The following DUOX1 variants were observed in gnomAD, a reference collection of about 807,000 sequenced individuals.
The protein encoded by DUOX1 is NADPH thyroid oxidase 1.
In DUOX1, 134 loss-of-function variants were observed where a neutral mutation model predicts 181.8. The observed-to-expected ratio is 0.74, with a 90% CI of 0.64 to 0.85. DUOX1 has a LOEUF of 0.85. Among genes scored for constraint, DUOX1 ranks in the 40% least tolerant of loss-of-function variants. The pLI is 0.00. For missense variants in DUOX1, 1,814 were observed against 2,064.4 expected, an observed-to-expected ratio of 0.88 and a Z score of 2.35; for synonymous variants, 798 against 832.5, an observed-to-expected ratio of 0.96 and a Z score of 0.71.
Position 45,161,970 on chromosome 15 carries a change from G to A in DUOX1, c.4089G>A (p.Lys1363=). 6.2e-7 allele frequency: 1 copy of A among 1,608,896 alleles called. No individual in the cohort carries two copies. Among genetic ancestry groups the A allele is most frequent in the Non-Finnish European group, 8.5e-7 (1 of 1,177,492 alleles). ...GTGACAGATGTGCCAGATACCCAAA[G>A]GTACCAGACCCTGGCCAGACATGCC... The part of the protein sequence containing the change: ...PTGDRCARYP[K]LYLDGPFGEG... The change falls in exon 30 of 34, where the codon AAG becomes AAA. Residue 1363 remains lysine (K), a splice_region_variant and synonymous_variant. Coordinates refer to ENST00000389037, the MANE Select transcript of DUOX1 (RefSeq NM_175940.3).
At chr15:45,152,081 G>A (rs771648162) in intron 24 of DUOX1, 29 bp downstream of exon 24, 26 of 1,608,040 alleles carry the variant, frequency 1.6e-5, no homozygotes, top group Admixed American at 1.3e-4. Flanking sequence ...CACGAGCCCT[G>A]TCCCTAGGCT....
rs754376909 is a variant in DUOX1 at position 45,163,912 on chromosome 15, C to A, written c.4527C>A (p.His1509Gln). ...TCTTCAACTCCCTGCAGGAGGTCCA[C>A]CCCCAGGTCAGTCCAACCCATAACC... ...EPFFNSLQEV[H>Q]PQVRKIGVFS... is the part of the protein sequence containing the mutation. Residue 1509 changes from histidine to glutamine, a missense_variant, in exon 33 of 34, where the codon CAC becomes CAA. By Grantham distance (24) the His-to-Gln change is conservative. Transcript: ENST00000389037. The A allele has an allele frequency of 2.5e-6, 4 of 1,613,866 alleles. No homozygotes were observed. In the Admixed American group the frequency reaches 5.0e-5, roughly 20 times the overall value.
intron 26 of DUOX1, chr15:45,153,684 T>G: frequency 1.5e-6 from 1 of 666,082 alleles, no homozygotes; most frequent in East Asian, 2.7e-5. Flanking sequence ...GGTGTCTGAG[T>G]TGGGGTGCCT....
rs764090741 is a variant in DUOX1 at position 45,147,552 on chromosome 15, G to A, written c.2442G>A (p.Lys814=). 6.2e-7 allele frequency: 1 copy of A among 1,614,136 alleles called. No individual in the cohort carries two copies. Among genetic ancestry groups the A allele is most frequent in the Non-Finnish European group, 8.5e-7 (1 of 1,179,986 alleles). ...AGTTTGCCGAGTCCCTGGGCCTCAAGCCCCAGGACATGTTTGTGGAGTCCA... is the reference window on the plus strand; with the variant it reads ...AGTTTGCCGAGTCCCTGGGCCTCAAACCCCAGGACATGTTTGTGGAGTCCA... ...RAEFAESLGL[K]PQDMFVESMF... The change falls in exon 19 of 34, where the codon AAG becomes AAA. Residue 814 remains lysine, a synonymous_variant. Coordinates refer to ENST00000389037, the MANE Select transcript of DUOX1 (RefSeq NM_175940.3).
chr15:45,133,966 G>C lies in DUOX1; in HGVS notation c.142+19G>C. 1.2e-6 allele frequency: 2 copies of C among 1,613,128 alleles called. No homozygotes were observed. The highest frequency in any genetic ancestry group is 2.2e-5 in the South Asian group (2 of 90,980). On this transcript the variant is annotated intron_variant, in intron 3 of 33. Transcript: ENST00000389037. ...AGCAAAGGTAAGTGAGAGCCAAGTG[G>C]GGATAGAACCCCAGGGCCAGGGGGG...
rs755590591 is a variant in DUOX1, at chr15:45,152,577, C to T, written c.3424+61C>T. 17 of 1,422,600 alleles carry T rather than the reference C, an allele frequency of 1.2e-5. No homozygotes were observed. In the African/African-American group the frequency reaches 1.4e-4, roughly 12 times the overall value. The allele number at this position is 1,422,600 out of a possible 1,614,324, so 88.1% of individuals were successfully genotyped here. A position where few individuals can be genotyped will look rare whatever the true frequency, so the allele number is the denominator to read the frequency against. ...CCTCCCGCCCCCGCTGACTTCCCCTCGTATGAGAGCCCCCCTCTCTGCTGG... is the reference window on the plus strand; with the variant it reads ...CCTCCCGCCCCCGCTGACTTCCCCTTGTATGAGAGCCCCCCTCTCTGCTGG... On this transcript the variant is annotated intron_variant, in intron 25 of 33. Transcript: ENST00000389037.
rs539813312 is a variant in DUOX1 at position 45,144,889 on chromosome 15, C to T, written c.2137-6C>T. The T allele has an allele frequency of 4.1e-5, 66 of 1,604,906 alleles. No individual in the cohort carries two copies. Among genetic ancestry groups the T allele is most frequent in the Non-Finnish European group, 5.6e-5 (66 of 1,176,304 alleles). On this transcript the variant is annotated splice_polypyrimidine_tract_variant and splice_region_variant and intron_variant, in intron 17 of 33. Coordinates refer to ENST00000389037, the MANE Select transcript of DUOX1 (RefSeq NM_175940.3). Reference sequence around the variant, plus strand: ...ATGGTTGCTTTTGCTCGGGCTGCCCCCTTAGGTGCTGCTGTTTAACTTGGA... The same window carrying T: ...ATGGTTGCTTTTGCTCGGGCTGCCCTCTTAGGTGCTGCTGTTTAACTTGGA...
intron 1 of DUOX1, chr15:45,131,573 A>G: frequency 4.4e-6 from 1 of 228,954 alleles, no homozygotes; most frequent in Non-Finnish European, 8.6e-6. Context: ...CCTGATCCCC[A>G]AGCAGGGCCC....
rs1706804 is a variant in DUOX1 at position 45,152,320 on chromosome 15, A to G, written c.3228A>G (p.Thr1076=). 1,061,125 of 1,613,700 alleles carry G rather than the reference A, an allele frequency of 0.66. 352,550 individuals are homozygous for G. Among genetic ancestry groups the G allele is most frequent in the South Asian group, 0.71 (64,425 of 91,070 alleles). ...YAFAAHHTGI[T]DTTRVGIILS... is the part of the protein sequence containing the mutation. ...TTGCCGCACATCACACGGGCATCAC[A>G]GACACCACCCGCGTGGGAATCATCC... The change falls in exon 25 of 34, where the codon ACA becomes ACG. Residue 1076 remains threonine (T), a synonymous_variant. Transcript: ENST00000389037.
chr15:45,132,908 A>AC (rs5812286), intron 2 of DUOX1, among the ~76,000 whole-genome samples: 142,649 of 152,200 alleles, frequency 0.94, 67,444 homozygotes, highest in Non-Finnish European at 1. Context: ...AAAGTCTTGA[A>AC]CCTTAGCTGG....
chr15:45,139,717 A>G, intron 12 of DUOX1, 118 bp downstream of exon 12: 1 of 1,143,242 alleles, frequency 8.7e-7, no homozygotes, highest in South Asian at 1.7e-5. Flanking sequence ...TGGGAGGGGC[A>G]GGGCTTACCC....
intron 25 of DUOX1, chr15:45,153,148 G>A: frequency 2.2e-6 from 1 of 462,198 alleles, no homozygotes; most frequent in East Asian, 3.8e-5. Context: ...TTGAACCTGG[G>A]AGGCAGAGGT....
intron 10 of DUOX1, 33 bp downstream of exon 10, chr15:45,138,047 TGTGTGTGTGC>T: frequency 6.6e-7 from 1 of 1,525,572 alleles, no homozygotes; most frequent in Non-Finnish European, 9.0e-7. Flanking sequence ...GTGGTGGATG[TGTGTGTGTGC>T]ATGCTTATGT....
At chr15:45,141,766 G>A (rs889343971) in intron 14 of DUOX1, among the ~76,000 whole-genome samples, 3 of 152,014 alleles carry the variant, frequency 2.0e-5, no homozygotes, top group African/African-American at 7.2e-5. Flanking sequence ...GTGTGTGTGT[G>A]TGTGTGTGTG....
At chr15:45,141,485 A>T in intron 14 of DUOX1, 75 bp downstream of exon 14, 1 of 1,472,284 alleles carries the variant, frequency 6.8e-7, no homozygotes, top group Non-Finnish European at 9.5e-7. Context: ...GCTTGGCTCA[A>T]TGTGGCTGAA....
In DUOX1 at chr15:45,152,495, T is replaced by G; in HGVS notation, c.3403T>G (p.Ser1135Ala). The change falls in exon 25 of 34, where the codon TCC becomes GCC. Residue 1135 changes from serine to alanine, a missense_variant. Ser to Ala is a moderately conservative substitution (Grantham distance 99). Around this residue, in one of 5 missense-constraint regions of DUOX1, gnomAD observed 1,064 missense variants for 1,152.9 expected, o/e 0.92. Transcript: ENST00000389037. ...CGTGGACTTCCATCGCCTCATTGCC[T>G]CCACCGCCATCGTCCTCACAGGCAG... The part of the protein sequence containing the change: ...AAVDFHRLIA[S>A]TAIVLTVLHS... 1 of 1,613,964 alleles carries G rather than the reference T, an allele frequency of 6.2e-7. No individual in the cohort carries two copies. Among genetic ancestry groups the G allele is most frequent in the Non-Finnish European group, 8.5e-7 (1 of 1,179,996 alleles).
intron 28 of DUOX1, among the ~76,000 whole-genome samples, chr15:45,158,760 T>G (rs978890871): frequency 6.7e-6 from 1 of 149,788 alleles, no homozygotes; most frequent in Non-Finnish European, 1.5e-5. Flanking sequence ...GGAGGGTCTT[T>G]TATGTACTAG....
In DUOX1 at chr15:45,163,591, C is replaced by A. The variant is rs772703900; in HGVS notation, c.4308C>A (p.Ile1436=). 4 of 1,614,150 alleles carry A rather than the reference C, an allele frequency of 2.5e-6. No homozygotes were observed. Among genetic ancestry groups the A allele is most frequent in the Non-Finnish European group, 3.4e-6 (4 of 1,180,034 alleles). Residue 1436 remains isoleucine, a synonymous_variant, in exon 32 of 34, where the codon ATC becomes ATA. Transcript: ENST00000389037. ...AGTTTGAGTGGCTGGCTGACATCAT[C>A]CGAGAGGTGGAGGAGAATGACCACC... ...QRQFEWLADI[I]REVEENDHQD... is the part of the protein sequence containing the mutation.
intron 18 of DUOX1, among the ~76,000 whole-genome samples, chr15:45,146,864 C>G (rs925514596): frequency 1.3e-5 from 2 of 152,248 alleles, no homozygotes; most frequent in African/African-American, 4.8e-5. Flanking sequence ...TCTGGGTGGG[C>G]TGGGGATGGC....
Sources: allele counts gnomAD v4.1 joint callset (sites outside exome capture counted in the v4.1 genomes callset), GRCh38; gene constraint gnomAD v4.1.1; regional missense constraint gnomAD v4.1.1; transcripts MANE v1.5; gene names NCBI Gene and HGNC (gene_info 2026-07-23, HGNC 2026-07-21).